Variants in ACTR3B observed in about 807,000 individuals in gnomAD.
The protein encoded by ACTR3B is actin-related protein 3B.
ACTR3B carries 8 observed loss-of-function variants against 59.0 expected under a neutral mutation model. The observed-to-expected ratio is 0.14, with a 90% CI of 0.08 to 0.24. ACTR3B has a LOEUF of 0.24. Among genes scored for constraint, ACTR3B ranks in the 10% least tolerant of loss-of-function variants. The pLI is 1.00. For synonymous variants in ACTR3B, 148 were observed against 197.9 expected (o/e 0.75, Z 2.12); for missense variants, 245 against 552.3 (o/e 0.44, Z 5.58).
intron 4 of ACTR3B, chr7:152,812,962 G>A (rs1164117111): frequency 3.7e-5 from 3 of 80,770 alleles, no homozygotes; most frequent in African/African-American, 1.4e-4. Context: ...TCCTGGCGCA[G>A]CCCTCTTCCT....
At chr7:152,793,092 T>TTTTTG (rs1196493995) in intron 2 of ACTR3B, among the ~76,000 whole-genome samples, 1 of 149,528 alleles carries the variant, frequency 6.7e-6, no homozygotes, top group South Asian at 2.1e-4. Context: ...GAATGGATTT[T>TTTTTG]TTTTGTTTTG....
At chr7:152,850,436 TG>T (rs1235022094) in intron 9 of ACTR3B, among the ~76,000 whole-genome samples, 1 of 152,180 alleles carries the variant, frequency 6.6e-6, no homozygotes, top group Non-Finnish European at 1.5e-5. Flanking sequence ...GCCAGATCAC[TG>T]GTGGCTTCTC....
chr7:152,852,294 C>A (rs367772022), intron 10 of ACTR3B, 43 bp downstream of exon 10: 9 of 1,554,814 alleles, frequency 5.8e-6, no homozygotes, highest in Non-Finnish European at 7.8e-6. Flanking sequence ...GGCTATTGCC[C>A]CAGGCCTGAC....
chr7:152,805,631 T>G (rs1369003589), intron 4 of ACTR3B, among the ~76,000 whole-genome samples: 1 of 151,994 alleles, frequency 6.6e-6, no homozygotes, highest in Admixed American at 6.6e-5. Context: ...GAATCACAAT[T>G]GCGTTATGTC....
At chr7:152,786,897 A>G (rs1774043318) in intron 2 of ACTR3B, among the ~76,000 whole-genome samples, 1 of 152,238 alleles carries the variant, frequency 6.6e-6, no homozygotes, top group South Asian at 2.1e-4. Context: ...TTTTTATCAT[A>G]CATACAGATC....
intron 1 of ACTR3B, among the ~76,000 whole-genome samples, chr7:152,774,778 T>A (rs1040536115): frequency 6.6e-6 from 1 of 152,174 alleles, no homozygotes; most frequent in African/African-American, 2.4e-5. Context: ...CTTCGTTCTA[T>A]AGAGACTATG....
At chr7:152,807,335 C>T (rs1267183311) in intron 4 of ACTR3B, among the ~76,000 whole-genome samples, 2 of 151,866 alleles carry the variant, frequency 1.3e-5, no homozygotes, top group Admixed American at 1.3e-4. Flanking sequence ...AATGATTTTA[C>T]ACCCAATATT....
intron 1 of ACTR3B, among the ~76,000 whole-genome samples, chr7:152,781,825 G>C (rs1333534178): frequency 6.6e-6 from 1 of 152,146 alleles, no homozygotes; most frequent in Non-Finnish European, 1.5e-5. Context: ...CCCCGGAGTG[G>C]AGTTGTGGTA....
chr7:152,762,625 T>A (rs2098093268), intron 1 of ACTR3B, among the ~76,000 whole-genome samples: 1 of 152,192 alleles, frequency 6.6e-6, no homozygotes, highest in Non-Finnish European at 1.5e-5. Flanking sequence ...AAATTTAACA[T>A]ACATACAGTA....
chr7:152,792,273 A>G (rs2098199079), intron 2 of ACTR3B, among the ~76,000 whole-genome samples: 1 of 152,156 alleles, frequency 6.6e-6, no homozygotes. Context: ...TTTTGCTTCA[A>G]CTGCCAGACA....
intron 9 of ACTR3B, among the ~76,000 whole-genome samples, chr7:152,833,313 T>C (rs2116918936): frequency 6.6e-6 from 1 of 152,352 alleles, no homozygotes; most frequent in South Asian, 2.1e-4. Flanking sequence ...AGGACACCGT[T>C]GGGTATCATA....
chr7:152,768,460 A>G (rs1346424223), intron 1 of ACTR3B, among the ~76,000 whole-genome samples: 1 of 151,954 alleles, frequency 6.6e-6, no homozygotes, highest in African/African-American at 2.4e-5. Context: ...GTGGCCTAAG[A>G]GGGTTTGCGA....
intron 1 of ACTR3B, among the ~76,000 whole-genome samples, chr7:152,774,513 G>A (rs950045346): frequency 6.6e-6 from 1 of 152,100 alleles, no homozygotes; most frequent in African/African-American, 2.4e-5. Flanking sequence ...CTTTGGGAAA[G>A]AGTGAAATTA....
At chr7:152,845,650 G>T (rs1798212225) in intron 9 of ACTR3B, among the ~76,000 whole-genome samples, 2 of 152,192 alleles carry the variant, frequency 1.3e-5, no homozygotes, top group Non-Finnish European at 2.9e-5. Flanking sequence ...TGAGATGGAT[G>T]CCACTCCTGA....
At chr7:152,835,385 A>T (rs1797366131) in intron 9 of ACTR3B, among the ~76,000 whole-genome samples, 1 of 152,168 alleles carries the variant, frequency 6.6e-6, no homozygotes, top group Non-Finnish European at 1.5e-5. Flanking sequence ...CATCCCAGTG[A>T]AGTGAATGGT....
At position 152,839,146 on chromosome 7, in the gene ACTR3B, A is replaced by G. The variant is rs571587926; in HGVS notation, c.952-12980A>G. Among the ~76,000 whole-genome samples, 1,481 of 149,046 alleles carry G rather than the reference A, an allele frequency of 9.9e-3. 19 individuals carry two copies. Among genetic ancestry groups the G allele is most frequent in the Non-Finnish European group, 0.017 (1,179 of 67,578 alleles). On this transcript the variant is annotated intron_variant, in intron 9 of 11. Transcript: ENST00000256001. ...TGGGTACCAGATTTCAGCTCAGCAC[A>G]GGGAGAGCTACTTTACAAATTGGTC...
intron 9 of ACTR3B, among the ~76,000 whole-genome samples, chr7:152,851,762 C>T (rs777869117): frequency 2.0e-5 from 3 of 152,084 alleles, no homozygotes; most frequent in Admixed American, 6.6e-5. Flanking sequence ...ATGGTTAAGG[C>T]GGACCAGGGG....
intron 4 of ACTR3B, among the ~76,000 whole-genome samples, chr7:152,807,761 T>C (rs905849520): frequency 2.0e-5 from 3 of 152,244 alleles, no homozygotes; most frequent in Non-Finnish European, 2.9e-5. Flanking sequence ...GTTAGTTGTA[T>C]TTCCTCTTTT....
At chr7:152,813,602 G>A (rs182546394) in intron 4 of ACTR3B, 1 of 152,100 alleles carries the variant, frequency 6.6e-6, no homozygotes, top group Non-Finnish European at 1.5e-5. Flanking sequence ...GCACAATCTT[G>A]GTTCATGTAG....
Sources: allele counts gnomAD v4.1 joint callset (sites outside exome capture counted in the v4.1 genomes callset), GRCh38; gene constraint gnomAD v4.1.1; transcripts MANE v1.5; gene names NCBI Gene and HGNC (gene_info 2026-07-23, HGNC 2026-07-21).